The following MCU variants were observed in gnomAD, a reference collection of about 807,000 sequenced individuals.
MCU encodes the protein mitochondrial calcium uniporter.
A neutral mutation model predicts 45.2 loss-of-function variants in MCU; 12 were observed. The observed-to-expected ratio is 0.27, with a 90% confidence interval of 0.17 to 0.43. The LOEUF is 0.43. MCU is among the 20% of genes least tolerant of loss of function. The pLI, the probability that MCU is intolerant of heterozygous loss-of-function variation, is 1.00. For synonymous variants in MCU, 160 were observed against 165.1 expected, an observed-to-expected ratio of 0.97 and a Z score of 0.24; for missense variants, 324 against 436.7, an observed-to-expected ratio of 0.74 and a Z score of 2.30.
At chr10:72,797,211 C>CTTTTA (rs1162934387) in intron 1 of MCU, among the ~76,000 whole-genome samples, 1 of 135,886 alleles carries the variant, frequency 7.4e-6, no homozygotes, top group East Asian at 1.9e-4. Flanking sequence ...TTATAACATA[C>CTTTTA]TTTTATTTTA....
At chr10:72,810,634 G>GGTGGTTGTTGTTGTTGTTGTTGTT (rs111545033) in intron 1 of MCU, among the ~76,000 whole-genome samples, 1 of 146,780 alleles carries the variant, frequency 6.8e-6, no homozygotes, top group Non-Finnish European at 1.5e-5. Flanking sequence ...CGCCCAGCTA[G>GGTGGTTGTTGTTGTTGTTGTTGTT]GTTGTTGTTG....
At chr10:72,812,949 C>T (rs1045278029) in intron 1 of MCU, among the ~76,000 whole-genome samples, 5 of 152,166 alleles carry the variant, frequency 3.3e-5, no homozygotes, top group Admixed American at 6.5e-5. Flanking sequence ...ACTGTCACCT[C>T]TGATTCCTGG....
intron 2 of MCU, among the ~76,000 whole-genome samples, chr10:72,857,513 C>T (rs1845311904): frequency 6.6e-6 from 1 of 152,080 alleles, no homozygotes; most frequent in Non-Finnish European, 1.5e-5. Flanking sequence ...GCTGGGATTA[C>T]AGGCATGAGC....
intron 1 of MCU, among the ~76,000 whole-genome samples, chr10:72,775,574 A>G (rs1297530664): frequency 1.3e-5 from 2 of 152,190 alleles, no homozygotes; most frequent in Non-Finnish European, 2.9e-5. Context: ...AAAACTCCAC[A>G]GAAGAACAAT....
At chr10:72,759,092 C>T (rs1158547135) in intron 1 of MCU, among the ~76,000 whole-genome samples, 1 of 152,088 alleles carries the variant, frequency 6.6e-6, no homozygotes, top group Non-Finnish European at 1.5e-5. Context: ...TCATCTGTAG[C>T]AGGACGAGCC....
intron 1 of MCU, among the ~76,000 whole-genome samples, chr10:72,757,556 GGCCA>G: frequency 6.6e-6 from 1 of 151,842 alleles, no homozygotes; most frequent in Admixed American, 6.6e-5. Flanking sequence ...TTTTTTAAAA[GGCCA>G]TAAAAATTGG....
chr10:72,842,638 A>G (rs903690715), intron 2 of MCU, among the ~76,000 whole-genome samples: 21 of 152,244 alleles, frequency 1.4e-4, no homozygotes, highest in African/African-American at 5.1e-4. Context: ...CTCTTGAATT[A>G]ACATTTATTT....
At chr10:72,743,568 A>G (rs1843367310) in intron 1 of MCU, among the ~76,000 whole-genome samples, 1 of 151,818 alleles carries the variant, frequency 6.6e-6, no homozygotes, top group African/African-American at 2.4e-5. Flanking sequence ...TATTAGAAGC[A>G]TTTTTTTTCT....
At chr10:72,821,581 G>C (rs1228439058) in intron 1 of MCU, among the ~76,000 whole-genome samples, 1 of 152,010 alleles carries the variant, frequency 6.6e-6, no homozygotes, top group Non-Finnish European at 1.5e-5. Context: ...TTTTCTGCTT[G>C]ACTTTTACTC....
intron 1 of MCU, among the ~76,000 whole-genome samples, chr10:72,763,396 G>C (rs1362076712): frequency 2.0e-5 from 3 of 152,140 alleles, no homozygotes; most frequent in African/African-American, 7.2e-5. Context: ...GGTGAAGCGG[G>C]AGTATGAGTG....
intron 4 of MCU, among the ~76,000 whole-genome samples, chr10:72,864,898 T>C (rs558181679): frequency 6.6e-6 from 1 of 152,356 alleles, no homozygotes; most frequent in African/African-American, 2.4e-5. Flanking sequence ...GGGCCTATTT[T>C]ACAGAGGTGT....
At chr10:72,729,409 G>A (rs1035032703) in intron 1 of MCU, among the ~76,000 whole-genome samples, 1 of 152,330 alleles carries the variant, frequency 6.6e-6, no homozygotes, top group South Asian at 2.1e-4. Context: ...GGCAGAGGCT[G>A]CCGTGAGCCG....
At chr10:72,724,367 GTCTT>G (rs1843068859) in intron 1 of MCU, among the ~76,000 whole-genome samples, 1 of 152,164 alleles carries the variant, frequency 6.6e-6, no homozygotes, top group Non-Finnish European at 1.5e-5. Flanking sequence ...TAAAAGTACT[GTCTT>G]TCCCTTTGCT....
chr10:72,756,048 G>A (rs113328482), intron 1 of MCU, among the ~76,000 whole-genome samples: 1 of 152,000 alleles, frequency 6.6e-6, no homozygotes, highest in East Asian at 1.9e-4. Flanking sequence ...ACAAGGTCTC[G>A]CTTTGTTGCC....
At chr10:72,855,421 C>CA (rs59532873) in intron 2 of MCU, among the ~76,000 whole-genome samples, 5,783 of 144,418 alleles carry the variant, frequency 0.04, 371 homozygotes, top group African/African-American at 0.14. Flanking sequence ...CTACCCCCAC[C>CA]AAAAAAAAAA....
intron 1 of MCU, among the ~76,000 whole-genome samples, chr10:72,808,585 G>C (rs1261011535): frequency 1.3e-5 from 2 of 152,122 alleles, no homozygotes; most frequent in South Asian, 2.1e-4. Context: ...TTATTTTCTG[G>C]AAAGCTTCAC....
chr10:72,882,852 C>T (rs1049901532), intron 6 of MCU, among the ~76,000 whole-genome samples: 4 of 152,124 alleles, frequency 2.6e-5, no homozygotes, highest in African/African-American at 7.2e-5. Flanking sequence ...GCTGGTTTTG[C>T]GGCTTGTGGG....
intron 2 of MCU, among the ~76,000 whole-genome samples, chr10:72,839,266 A>G (rs901519371): frequency 2.0e-5 from 3 of 152,302 alleles, no homozygotes; most frequent in Admixed American, 6.5e-5. Context: ...CTGGGATTAC[A>G]GGGGTGAGCC....
At chr10:72,710,662 A>G (rs1034595106) in intron 1 of MCU, among the ~76,000 whole-genome samples, 38 of 147,450 alleles carry the variant, frequency 2.6e-4, no homozygotes, top group African/African-American at 9.3e-4. Flanking sequence ...ATTGTGAAGT[A>G]TGTCATGTCT....
Sources: gnomAD v4.1 joint callset for allele counts (sites outside exome capture counted in the v4.1 genomes callset) on GRCh38, gnomAD v4.1.1 for gene constraint, MANE v1.5 for transcripts, NCBI Gene and HGNC (gene_info 2026-07-23, HGNC 2026-07-21) for gene names.